ZEB1: variants seen among roughly 807,000 people sequenced by gnomAD.
ZEB1 encodes zinc finger E-box binding homeobox 1.
In ZEB1, 21 loss-of-function variants were observed where a neutral mutation model predicts 84.9. The observed-to-expected ratio is 0.25, with a 90% CI of 0.18 to 0.36. ZEB1 has a LOEUF of 0.36. Ranked by LOEUF, ZEB1 falls within the 10% of genes least tolerant of loss-of-function variation. The probability of loss-of-function intolerance (pLI) is 1.00; values close to 1 mark genes in which losing one functional copy is unlikely to be tolerated. For missense variants in ZEB1, 1,104 were observed against 1,330.2 expected (o/e 0.83, Z 2.65); for synonymous variants, 420 against 471.1 (o/e 0.89, Z 1.41).
chr10:31,524,214 T>A, intron 8 of ZEB1, 101 bp downstream of exon 8: 1 of 1,325,338 alleles, frequency 7.5e-7, no homozygotes. Flanking sequence ...TTTTTTTTTT[T>A]TTTATTTTGT....
intron 1 of ZEB1, among the ~76,000 whole-genome samples, chr10:31,389,997 A>G (rs533760628): frequency 2.6e-5 from 4 of 152,288 alleles, no homozygotes; most frequent in African/African-American, 7.2e-5. Context: ...AGCCTCATAC[A>G]TGCCAAAATC....
chr10:31,395,879 G>A (rs2050622068), intron 1 of ZEB1, among the ~76,000 whole-genome samples: 1 of 152,152 alleles, frequency 6.6e-6, no homozygotes. Flanking sequence ...ATGATTCAGT[G>A]CTATATTTAG....
In ZEB1 at chr10:31,521,840, G is replaced by A. The variant is rs2072471103; in HGVS notation, c.2508G>A (p.Thr836=). Residue 836 remains threonine (T), a synonymous_variant, in exon 7 of 9, where the codon ACG becomes ACA. Coordinates refer to ENST00000424869, the MANE Select transcript of ZEB1 (RefSeq NM_001174096.2). ...CLRALAANKQ[T]ILIPQVAYTY... Reference sequence around the variant, plus strand: ...GAGCGCTAGCTGCCAATAAGCAAACGATTCTGATTCCCCAGGTGGCATACA... The same window carrying A: ...GAGCGCTAGCTGCCAATAAGCAAACAATTCTGATTCCCCAGGTGGCATACA... The A allele has an allele frequency of 6.2e-6, 10 of 1,613,596 alleles. No individual in the cohort carries two copies. Among genetic ancestry groups the A allele is most frequent in the African/African-American group, 2.7e-5 (2 of 74,862 alleles).
At position 31,526,859 on chromosome 10, in the gene ZEB1, G is replaced by A. The variant is rs376922710; in HGVS notation, c.2973G>A (p.Ala991=). 25 of 1,614,154 alleles carry A rather than the reference G, an allele frequency of 1.5e-5. 1 individual carries two copies. The highest frequency in any genetic ancestry group is 1.6e-4 in the Middle Eastern group (1 of 6,062). Residue 991 remains alanine (A), a synonymous_variant, in exon 9 of 9, where the codon GCG becomes GCA. Coordinates refer to ENST00000424869, the MANE Select transcript of ZEB1 (RefSeq NM_001174096.2). ...GCTACTCCTACTGTAAGAGAGAAGC[G>A]GAAGAACGTGACAGCACAGAGCAGG... The part of the protein sequence containing the change: ...NHRYSYCKRE[A]EERDSTEQEE...
At chr10:31,324,901 A>G (rs1456253866) in intron 1 of ZEB1, among the ~76,000 whole-genome samples, 1 of 152,080 alleles carries the variant, frequency 6.6e-6, no homozygotes, top group Non-Finnish European at 1.5e-5. Context: ...AAAGTTTTGT[A>G]GCAACCCTAG....
intron 1 of ZEB1, among the ~76,000 whole-genome samples, chr10:31,402,077 C>T (rs1169440315): frequency 1.3e-5 from 2 of 151,762 alleles, no homozygotes; most frequent in Admixed American, 6.6e-5. Context: ...CAGAAGGCAA[C>T]CAAAAGTCAG....
chr10:31,390,997 T>C (rs985991495), intron 1 of ZEB1, among the ~76,000 whole-genome samples: 1 of 152,122 alleles, frequency 6.6e-6, no homozygotes, highest in African/African-American at 2.4e-5. Context: ...GCACCACCTC[T>C]CTCCAGAGAA....
intron 1 of ZEB1, chr10:31,320,401 G>A (rs2132871653): frequency 6.6e-6 from 1 of 151,192 alleles, no homozygotes. Flanking sequence ...GGTTTTTGGG[G>A]AAGTTGTTAC....
At chr10:31,513,248 G>A (rs1565175803) in intron 5 of ZEB1, among the ~76,000 whole-genome samples, 1 of 152,062 alleles carries the variant, frequency 6.6e-6, no homozygotes, top group Non-Finnish European at 1.5e-5. Context: ...TGATGGATTG[G>A]GTGAGGGTAC....
At chr10:31,438,638 C>T (rs953658558) in intron 1 of ZEB1, among the ~76,000 whole-genome samples, 2 of 152,086 alleles carry the variant, frequency 1.3e-5, no homozygotes, top group Non-Finnish European at 2.9e-5. Flanking sequence ...GGGCTCAAGA[C>T]CACCATAGGC....
intron 1 of ZEB1, among the ~76,000 whole-genome samples, chr10:31,395,350 A>C (rs934288663): frequency 6.6e-6 from 1 of 152,096 alleles, no homozygotes; most frequent in Admixed American, 6.6e-5. Flanking sequence ...CTTCATCTAA[A>C]CTAGTGCTAA....
At chr10:31,442,566 A>AT (rs2059158436) in intron 1 of ZEB1, among the ~76,000 whole-genome samples, 1 of 141,612 alleles carries the variant, frequency 7.1e-6, no homozygotes, top group Non-Finnish European at 1.5e-5. Flanking sequence ...AATAATAATA[A>AT]TAAAAAAAAA....
At chr10:31,387,276 G>A (rs1035430299) in intron 1 of ZEB1, 71 of 985,646 alleles carry the variant, frequency 7.2e-5, no homozygotes, top group Non-Finnish European at 8.4e-5. Context: ...GGTAAGCACT[G>A]TGTAGTGAGT....
At chr10:31,476,800 GA>G (rs2064269873) in intron 2 of ZEB1, among the ~76,000 whole-genome samples, 1 of 151,970 alleles carries the variant, frequency 6.6e-6, no homozygotes, top group Non-Finnish European at 1.5e-5. Context: ...GAATTAAAAA[GA>G]AAAACGATAT....
Position 31,527,409 on chromosome 10 carries a change from CAA to C in ZEB1, c.*148_*149del. On this transcript the variant is annotated 3_prime_UTR_variant, in exon 9 of 9. Transcript: ENST00000424869. Reference sequence around the variant, plus strand: ...GTAAAAACTAAAAAAATACAAAATACAAAACACACACACACACACACACACAC... The same window carrying C: ...GTAAAAACTAAAAAAATACAAAATACAACACACACACACACACACACACAC... 3 of 662,624 alleles carry C rather than the reference CAA, an allele frequency of 4.5e-6. No individual in the cohort carries two copies. The highest frequency in any genetic ancestry group is 7.2e-6 in the Non-Finnish European group (3 of 413,930). The allele number at this position is 662,624 out of a possible 1,614,324, so 41.0% of individuals were successfully genotyped here. A position where few individuals can be genotyped will look rare whatever the true frequency, so the allele number is the denominator to read the frequency against.
chr10:31,379,379 T>C (rs1006623293), intron 1 of ZEB1, among the ~76,000 whole-genome samples: 2 of 151,954 alleles, frequency 1.3e-5, no homozygotes, highest in African/African-American at 2.4e-5. Flanking sequence ...TCCTAAGGTA[T>C]TGTTGGACTG....
intron 2 of ZEB1, among the ~76,000 whole-genome samples, chr10:31,484,431 A>T (rs1037421157): frequency 1.3e-5 from 2 of 151,986 alleles, no homozygotes; most frequent in Non-Finnish European, 2.9e-5. Flanking sequence ...AATCCTTGCA[A>T]TACTGTAATG....
At chr10:31,417,764 G>T (rs1400569654) in intron 1 of ZEB1, among the ~76,000 whole-genome samples, 1 of 151,548 alleles carries the variant, frequency 6.6e-6, no homozygotes, top group Non-Finnish European at 1.5e-5. Context: ...ATGGTACTTT[G>T]AACATAATAG....
chr10:31,468,221 T>C (rs114758700), intron 2 of ZEB1, among the ~76,000 whole-genome samples: 2,456 of 152,124 alleles, frequency 0.016, 63 homozygotes, highest in African/African-American at 0.056. Flanking sequence ...CTAGCCAGCC[T>C]TGGGAGCAGA....
Sources: gnomAD v4.1 joint callset for allele counts (sites outside exome capture counted in the v4.1 genomes callset) on GRCh38, gnomAD v4.1.1 for gene constraint, MANE v1.5 for transcripts, NCBI Gene and HGNC (gene_info 2026-07-23, HGNC 2026-07-21) for gene names.